Variants in LRRTM4 observed in about 807,000 individuals in gnomAD.
LRRTM4 encodes the protein leucine rich repeat transmembrane neuronal 4, also known as leucine-rich repeat transmembrane neuronal protein 4.
A neutral mutation model predicts 47.6 loss-of-function variants in LRRTM4; 25 were observed. That is an observed-to-expected ratio of 0.53 (90% CI 0.38 to 0.73). The LOEUF is 0.73. Ranked by LOEUF, LRRTM4 falls within the 30% of genes least tolerant of loss-of-function variation. LRRTM4 has a pLI of 0.00. For synonymous variants in LRRTM4, 311 were observed against 269.5 expected, an observed-to-expected ratio of 1.15 and a Z score of -1.51; for missense variants, 638 against 713.4, an observed-to-expected ratio of 0.89 and a Z score of 1.20.
At chr2:77,258,030 A>G (rs1675817152) in intron 3 of LRRTM4, among the ~76,000 whole-genome samples, 1 of 151,920 alleles carries the variant, frequency 6.6e-6, no homozygotes, top group Non-Finnish European at 1.5e-5. Flanking sequence ...TTGGAGGCAG[A>G]AGTTGTGGTG....
intron 3 of LRRTM4, among the ~76,000 whole-genome samples, chr2:77,008,271 A>G (rs1677734068): frequency 6.6e-6 from 1 of 152,220 alleles, no homozygotes; most frequent in African/African-American, 2.4e-5. Flanking sequence ...ATTTAGGTTT[A>G]CATCTTAAGT....
At position 76,748,754 on chromosome 2, in the gene LRRTM4, T is replaced by G. The variant is rs1360144451; in HGVS notation, c.1714A>C (p.Ile572Leu). 2 of 1,613,916 alleles carry G rather than the reference T, an allele frequency of 1.2e-6. No homozygotes were observed. Among genetic ancestry groups the G allele is most frequent in the East Asian group, 4.5e-5 (2 of 44,848 alleles). Reference sequence around the variant, plus strand: ...GCTGCCGACCTGGCGATGGTGGCGATGAAGCTGTGGTCTCGGCCCAGCTCC... The same window carrying G: ...GCTGCCGACCTGGCGATGGTGGCGAGGAAGCTGTGGTCTCGGCCCAGCTCC... Reference protein sequence around the residue: ...GLELGRDHSFIATIARSAAPA... With the variant: ...GLELGRDHSFLATIARSAAPA... The change falls in exon 4 of 4, where the codon ATC (isoleucine) becomes CTC (leucine). Residue 572 changes from isoleucine to leucine, a missense_variant. Physicochemically the swap from Ile to Leu is conservative, Grantham distance 5. Transcript: ENST00000409884.
intron 3 of LRRTM4, among the ~76,000 whole-genome samples, chr2:76,985,745 G>A (rs116226981): frequency 0.015 from 2,297 of 151,972 alleles, 28 homozygotes; most frequent in Non-Finnish European, 0.025. Flanking sequence ...GCAAAACACC[G>A]GCTTTTTTGA....
chr2:77,063,688 T>A (rs983603420), intron 3 of LRRTM4, among the ~76,000 whole-genome samples: 2 of 152,190 alleles, frequency 1.3e-5, no homozygotes, highest in African/African-American at 4.8e-5. Flanking sequence ...ACATTAAAAA[T>A]TGGCCATTAT....
intron 3 of LRRTM4, among the ~76,000 whole-genome samples, chr2:77,064,708 G>C (rs1355679087): frequency 6.6e-6 from 1 of 152,128 alleles, no homozygotes; most frequent in African/African-American, 2.4e-5. Context: ...TTTGCTTGAT[G>C]CTTTTACTTC....
chr2:77,345,434 A>T (rs1324104115), intron 3 of LRRTM4, among the ~76,000 whole-genome samples: 2 of 151,954 alleles, frequency 1.3e-5, no homozygotes, highest in Non-Finnish European at 2.9e-5. Context: ...TATATAAAGA[A>T]TTCTAAAAAC....
intron 3 of LRRTM4, among the ~76,000 whole-genome samples, chr2:76,832,602 G>A (rs1671386794): frequency 2.0e-5 from 3 of 151,620 alleles, no homozygotes; most frequent in African/African-American, 7.3e-5. Context: ...CACATATCCA[G>A]TTTATTAAAG....
intron 3 of LRRTM4, among the ~76,000 whole-genome samples, chr2:77,110,117 G>T (rs1448247233): frequency 6.6e-6 from 1 of 152,114 alleles, no homozygotes; most frequent in Non-Finnish European, 1.5e-5. Context: ...GACATCACAG[G>T]AAGATGTAAG....
At chr2:76,944,475 T>C (rs927952068) in intron 3 of LRRTM4, among the ~76,000 whole-genome samples, 3 of 152,120 alleles carry the variant, frequency 2.0e-5, no homozygotes, top group Non-Finnish European at 4.4e-5. Context: ...TCCAGTGATT[T>C]CTCCAGTACC....
At chr2:76,771,317 C>T (rs766722043) in intron 3 of LRRTM4, among the ~76,000 whole-genome samples, 7 of 152,046 alleles carry the variant, frequency 4.6e-5, no homozygotes, top group South Asian at 2.1e-4. Flanking sequence ...TAGAGGGTTT[C>T]GGTGAGATTT....
intron 3 of LRRTM4, among the ~76,000 whole-genome samples, chr2:77,094,588 C>T (rs911215635): frequency 6.6e-6 from 1 of 152,068 alleles, no homozygotes; most frequent in Non-Finnish European, 1.5e-5. Context: ...ATACATCTAC[C>T]AGTGGAACAG....
chr2:77,043,487 A>C (rs935477526), intron 3 of LRRTM4, among the ~76,000 whole-genome samples: 1 of 151,760 alleles, frequency 6.6e-6, no homozygotes. Flanking sequence ...GCTTACACAA[A>C]CATGCCTAAA....
At chr2:77,408,087 C>G (rs890784413) in intron 3 of LRRTM4, among the ~76,000 whole-genome samples, 5 of 152,010 alleles carry the variant, frequency 3.3e-5, no homozygotes, top group African/African-American at 4.8e-5. Flanking sequence ...GAAAATATAA[C>G]CAGTCTTATA....
chr2:77,004,254 A>G (rs1677548466), intron 3 of LRRTM4, among the ~76,000 whole-genome samples: 1 of 152,192 alleles, frequency 6.6e-6, no homozygotes, highest in Admixed American at 6.5e-5. Flanking sequence ...ATAAGCTCAG[A>G]CGCCTAGGAG....
chr2:76,994,876 T>C (rs1437863576), intron 3 of LRRTM4, among the ~76,000 whole-genome samples: 2 of 151,974 alleles, frequency 1.3e-5, no homozygotes, highest in Admixed American at 6.6e-5. Context: ...TAAAAAAAGC[T>C]AGGGAACTCT....
At chr2:77,308,858 GT>G (rs1677365501) in intron 3 of LRRTM4, among the ~76,000 whole-genome samples, 1 of 149,634 alleles carries the variant, frequency 6.7e-6, no homozygotes, top group Non-Finnish European at 1.5e-5. Flanking sequence ...GGGGGTGGGG[GT>G]TGGGGTCGGT....
intron 3 of LRRTM4, among the ~76,000 whole-genome samples, chr2:76,990,214 T>C (rs1034486419): frequency 6.6e-6 from 1 of 151,766 alleles, no homozygotes; most frequent in Non-Finnish European, 1.5e-5. Context: ...TAGACTTCCT[T>C]TTGCTTTCTA....
chr2:77,211,815 C>T (rs1674300426), intron 3 of LRRTM4, among the ~76,000 whole-genome samples: 1 of 151,978 alleles, frequency 6.6e-6, no homozygotes, highest in Non-Finnish European at 1.5e-5. Flanking sequence ...CCAATTTTTA[C>T]CTTATGCTGA....
chr2:77,257,717 A>AACACACACACAC (rs57315997), intron 3 of LRRTM4, among the ~76,000 whole-genome samples: 1 of 146,802 alleles, frequency 6.8e-6, no homozygotes, highest in Non-Finnish European at 1.5e-5. Context: ...TTAAAAATAC[A>AACACACACACAC]ACACACACAC....
Sources: allele counts gnomAD v4.1 joint callset (sites outside exome capture counted in the v4.1 genomes callset), GRCh38; gene constraint gnomAD v4.1.1; transcripts MANE v1.5; gene names NCBI Gene and HGNC (gene_info 2026-07-23, HGNC 2026-07-21).